Variants in SMOC1 observed in about 807,000 individuals in gnomAD.
SMOC1 encodes SPARC related modular calcium binding 1.
In SMOC1, 22 loss-of-function variants were observed where a neutral mutation model predicts 56.3. That is an observed-to-expected ratio of 0.39 (90% CI 0.28 to 0.56). The LOEUF is 0.56. SMOC1 is among the 20% of genes least tolerant of loss of function. The pLI is 0.61. For synonymous variants in SMOC1, 193 were observed against 215.0 expected (o/e 0.90, Z 0.89); for missense variants, 509 against 565.4 (o/e 0.90, Z 1.01).
chr14:69,891,999 G>A (rs1056743451), intron 1 of SMOC1, among the ~76,000 whole-genome samples: 1 of 152,026 alleles, frequency 6.6e-6, no homozygotes, highest in Non-Finnish European at 1.5e-5. Context: ...AATAGGGATG[G>A]TAAGTTTTTA....
chr14:69,908,249 C>T (rs1884463321), intron 1 of SMOC1, among the ~76,000 whole-genome samples: 1 of 152,158 alleles, frequency 6.6e-6, no homozygotes, highest in Admixed American at 6.5e-5. Flanking sequence ...GGTGTTTTCT[C>T]TGGGTGGCAG....
Position 70,011,463 on chromosome 14 carries a change from C to T in SMOC1, c.858-22C>T, listed in dbSNP as rs756163954. 107 of 1,576,836 alleles carry T rather than the reference C, an allele frequency of 6.8e-5. 1 individual carries two copies. Among genetic ancestry groups the T allele is most frequent in the Non-Finnish European group, 8.7e-5 (100 of 1,146,800 alleles). On this transcript the variant is annotated intron_variant, in intron 8 of 11. Coordinates refer to ENST00000361956, the MANE Select transcript of SMOC1 (RefSeq NM_001034852.3). Reference sequence around the variant, plus strand: ...TCAGTTGCCAGCCCCTCCCAACCCCCCCCATATCTCTCTTTTCCCAGCTAC... The same window carrying T: ...TCAGTTGCCAGCCCCTCCCAACCCCTCCCATATCTCTCTTTTCCCAGCTAC...
At chr14:69,929,752 C>A (rs1885110776) in intron 1 of SMOC1, among the ~76,000 whole-genome samples, 1 of 152,174 alleles carries the variant, frequency 6.6e-6, no homozygotes, top group East Asian at 1.9e-4. Context: ...CTTCTTGGTT[C>A]TGGATTAAAC....
chr14:69,930,169 C>G (rs1054822726), intron 1 of SMOC1, among the ~76,000 whole-genome samples: 7 of 151,896 alleles, frequency 4.6e-5, no homozygotes, highest in Non-Finnish European at 1.0e-4. Flanking sequence ...GTGACTGTAC[C>G]CCTGACAGCA....
chr14:70,000,400 C>T lies in SMOC1; in HGVS notation c.664+5920C>T, dbSNP rs189195661. On this transcript the variant is annotated intron_variant, in intron 7 of 11. Coordinates refer to ENST00000361956, the MANE Select transcript of SMOC1 (RefSeq NM_001034852.3). ...AAGTACAGAGACTGTCAGGTTAAAG[C>T]CAATGAAGTTACTGAGAAAAACTAG... Among the ~76,000 whole-genome samples the T allele has an allele frequency of 1.1e-3, 164 of 152,238 alleles. 2 individuals carry two copies. Among genetic ancestry groups the T allele is most frequent in the African/African-American group, 3.8e-3 (159 of 41,536 alleles).
At chr14:69,897,183 G>A (rs61980575) in intron 1 of SMOC1, among the ~76,000 whole-genome samples, 2 of 151,968 alleles carry the variant, frequency 1.3e-5, no homozygotes, top group Non-Finnish European at 2.9e-5. Flanking sequence ...TTGTCTGGGG[G>A]TTGGAAAGCC....
chr14:69,953,277 G>A, intron 2 of SMOC1, 143 bp from the exon 3 acceptor site: 2 of 743,892 alleles, frequency 2.7e-6, no homozygotes, highest in Non-Finnish European at 4.8e-6. Context: ...GCAGTTACTA[G>A]CCACGGCCCT....
chr14:69,951,910 T>C (rs1324812113), intron 1 of SMOC1, among the ~76,000 whole-genome samples: 1 of 152,252 alleles, frequency 6.6e-6, no homozygotes, highest in Admixed American at 6.5e-5. Context: ...CTTGGCACAA[T>C]GCCTGTTAAT....
intron 1 of SMOC1, among the ~76,000 whole-genome samples, chr14:69,949,161 C>T (rs1882902819): frequency 6.6e-6 from 1 of 152,192 alleles, no homozygotes; most frequent in Non-Finnish European, 1.5e-5. Context: ...GTAAAGATGG[C>T]AGGCTCTGGG....
intron 7 of SMOC1, among the ~76,000 whole-genome samples, chr14:70,004,098 C>G (rs960331123): frequency 4.6e-5 from 7 of 152,146 alleles, no homozygotes. Flanking sequence ...AGAGTAGGCA[C>G]CTTGGTTACC....
chr14:69,893,392 G>A (rs1432981164), intron 1 of SMOC1, among the ~76,000 whole-genome samples: 1 of 152,132 alleles, frequency 6.6e-6, no homozygotes, highest in African/African-American at 2.4e-5. Flanking sequence ...TAGAGAAGGG[G>A]GTTTAGTGCT....
chr14:69,973,664 T>G (rs1883858409), intron 3 of SMOC1, among the ~76,000 whole-genome samples: 2 of 152,342 alleles, frequency 1.3e-5, no homozygotes, highest in South Asian at 4.1e-4. Context: ...TGCACCTTCG[T>G]GGTAGGAACA....
At chr14:70,013,758 TC>T (rs1885415553) in intron 10 of SMOC1, among the ~76,000 whole-genome samples, 1 of 152,178 alleles carries the variant, frequency 6.6e-6, no homozygotes, top group Non-Finnish European at 1.5e-5. Flanking sequence ...GTCTGGGACT[TC>T]CAGCTGTTTA....
At chr14:69,945,571 C>T (rs1039130206) in intron 1 of SMOC1, among the ~76,000 whole-genome samples, 2 of 152,184 alleles carry the variant, frequency 1.3e-5, no homozygotes, top group South Asian at 2.1e-4. Context: ...AGAAGAACCT[C>T]CTAGCTGAGC....
At chr14:69,974,588 A>G (rs1245529861) in intron 3 of SMOC1, among the ~76,000 whole-genome samples, 2 of 152,090 alleles carry the variant, frequency 1.3e-5, no homozygotes, top group African/African-American at 2.4e-5. Flanking sequence ...CTAGATCCCA[A>G]CGCGAATCAC....
intron 10 of SMOC1, 82 bp downstream of exon 10, chr14:70,013,573 T>A (rs928328024): frequency 8.3e-7 from 1 of 1,202,994 alleles, no homozygotes; most frequent in Non-Finnish European, 1.2e-6. Flanking sequence ...GGTGAGAGAG[T>A]GGGCAGGGTT....
chr14:69,992,454 G>C lies in SMOC1; in HGVS notation c.564G>C (p.Gln188His), dbSNP rs964281706. 1 of 1,613,794 alleles carries C rather than the reference G, an allele frequency of 6.2e-7. No homozygotes were observed. Among genetic ancestry groups the C allele is most frequent in the Non-Finnish European group, 8.5e-7 (1 of 1,179,784 alleles). The change falls in exon 6 of 12, where the codon CAG (glutamine) becomes CAC (histidine). Residue 188 changes from glutamine to histidine, a missense_variant. Gln to His is a conservative substitution (Grantham distance 24). Transcript: ENST00000361956. ...AGCCGACACCCACGATGGAGACCCAGCCGGTGTTCGATGGAGATGGTAAGA... is the reference window on the plus strand; with the variant it reads ...AGCCGACACCCACGATGGAGACCCACCCGGTGTTCGATGGAGATGGTAAGA... ...GSKPTPTMET[Q>H]PVFDGDEITA...
At chr14:69,971,706 A>G (rs1246016848) in intron 3 of SMOC1, among the ~76,000 whole-genome samples, 2 of 152,242 alleles carry the variant, frequency 1.3e-5, no homozygotes, top group African/African-American at 4.8e-5. Context: ...TAGAGTTTAC[A>G]TCTTGATCAT....
chr14:69,986,808 A>G (rs1884381778), intron 5 of SMOC1, among the ~76,000 whole-genome samples: 2 of 152,040 alleles, frequency 1.3e-5, no homozygotes, highest in African/African-American at 4.8e-5. Context: ...GCTTGTTTTC[A>G]CTTCTTTTGG....
Sources: allele counts gnomAD v4.1 joint callset (sites outside exome capture counted in the v4.1 genomes callset), GRCh38; gene constraint gnomAD v4.1.1; transcripts MANE v1.5; gene names NCBI Gene and HGNC (gene_info 2026-07-23, HGNC 2026-07-21).